The following NEK10 variants were observed in gnomAD, a reference collection of about 807,000 sequenced individuals.
The protein encoded by NEK10 is serine/threonine-protein kinase Nek10.
Under a neutral mutation model 159.8 loss-of-function variants are expected in NEK10, and 122 were observed. The observed-to-expected ratio is 0.76, with a 90% CI of 0.66 to 0.89. The LOEUF is 0.89. Ranked by LOEUF, NEK10 falls within the 40% of genes least tolerant of loss-of-function variation. NEK10 has a pLI of 0.00. For synonymous variants in NEK10, 466 were observed against 457.1 expected, an observed-to-expected ratio of 1.02 and a Z score of -0.25; for missense variants, 1,342 against 1,323.1, an observed-to-expected ratio of 1.01 and a Z score of -0.22.
chr3:27,281,632 C>T (rs540446050), intron 22 of NEK10, among the ~76,000 whole-genome samples: 6 of 152,218 alleles, frequency 3.9e-5, no homozygotes, highest in South Asian at 4.2e-4. Context: ...AAAAACATAA[C>T]GCCCAAAGCA....
At chr3:27,366,630 T>C (rs1184109435) in intron 1 of NEK10, among the ~76,000 whole-genome samples, 1 of 152,162 alleles carries the variant, frequency 6.6e-6, no homozygotes, top group Non-Finnish European at 1.5e-5. Flanking sequence ...AAATACTCAC[T>C]GAATGATTGA....
chr3:27,292,554 C>A (rs945104307), intron 16 of NEK10, among the ~76,000 whole-genome samples: 1 of 152,078 alleles, frequency 6.6e-6, no homozygotes, highest in Non-Finnish European at 1.5e-5. Flanking sequence ...GAATAAGTAG[C>A]TGGGTGTGGT....
intron 23 of NEK10, among the ~76,000 whole-genome samples, chr3:27,224,389 C>T: frequency 6.6e-6 from 1 of 152,228 alleles, no homozygotes; most frequent in East Asian, 1.9e-4. Context: ...GTGCTGGCTG[C>T]ATACTCCCGC....
chr3:27,224,915 A>T (rs977874224), intron 23 of NEK10, among the ~76,000 whole-genome samples: 21 of 152,354 alleles, frequency 1.4e-4, no homozygotes, highest in African/African-American at 4.8e-4. Context: ...ACTTGTTACT[A>T]TTAATTATAA....
intron 16 of NEK10, among the ~76,000 whole-genome samples, chr3:27,292,064 T>C (rs994362604): frequency 3.3e-5 from 5 of 152,176 alleles, no homozygotes; most frequent in Non-Finnish European, 5.9e-5. Context: ...AAAAATACAC[T>C]ATTTACAGTT....
rs1036595106 is a variant in NEK10, at chr3:27,301,932, T to C, written c.1029-97A>G. The C allele has an allele frequency of 1.1e-5, 10 of 890,902 alleles. No homozygotes were observed. In the East Asian group the frequency reaches 2.1e-4, roughly 19 times the overall value. The allele number at this position is 890,902 out of a possible 1,614,324, so 55.2% of individuals were successfully genotyped here. A position where few individuals can be genotyped will look rare whatever the true frequency, so the allele number is the denominator to read the frequency against. Reference sequence around the variant, plus strand: ...TTAAGAAATCTTTGCCTCCCTCAGGTCATGAAGGCATCATTATTGTTTCAC... The same window carrying C: ...TTAAGAAATCTTTGCCTCCCTCAGGCCATGAAGGCATCATTATTGTTTCAC... On this transcript the variant is annotated intron_variant, in intron 12 of 35. Transcript: ENST00000691995.
At chr3:27,309,038 A>G in intron 9 of NEK10, 33 bp from the exon 10 acceptor site, 1 of 1,117,648 alleles carries the variant, frequency 8.9e-7, no homozygotes, top group Non-Finnish European at 1.3e-6. Flanking sequence ...GTTTAATTAT[A>G]TAAGTACTAC....
intron 5 of NEK10, 41 bp downstream of exon 5, chr3:27,344,231 C>T (rs754178855): frequency 2.2e-6 from 2 of 904,426 alleles, no homozygotes. Flanking sequence ...ATGACATATG[C>T]CACTCTTCAG....
chr3:27,304,796 C>T lies in NEK10; in HGVS notation c.979G>A (p.Glu327Lys), dbSNP rs1176031701. 10 of 1,613,776 alleles carry T rather than the reference C, an allele frequency of 6.2e-6. No individual in the cohort carries two copies. The highest frequency in any genetic ancestry group is 1.3e-5 in the African/African-American group (1 of 74,908). Residue 327 changes from glutamate to lysine, a missense_variant, in exon 12 of 36, where the codon GAA becomes AAA. Glu to Lys is a moderately conservative substitution (Grantham distance 56, BLOSUM62 1). Transcript: ENST00000691995. ...QVCEDPETSV[E>K]IRIWGGIKQL... is the part of the protein sequence containing the mutation. ...TTGATGCCTCCCCAAATGCGAATTT[C>T]CACGCTGGTCTCAGGGTCCTCACAA...
At chr3:27,117,148 G>A (rs997035732) in intron 33 of NEK10, among the ~76,000 whole-genome samples, 8 of 152,158 alleles carry the variant, frequency 5.3e-5, no homozygotes, top group African/African-American at 1.7e-4. Flanking sequence ...CCCTGCAAAG[G>A]ACATGATCTC....
chr3:27,276,271 T>C (rs968851824), intron 22 of NEK10, among the ~76,000 whole-genome samples: 1 of 152,046 alleles, frequency 6.6e-6, no homozygotes, highest in African/African-American at 2.4e-5. Flanking sequence ...CAATACTTTG[T>C]GCCATGTGCT....
intron 5 of NEK10, among the ~76,000 whole-genome samples, chr3:27,342,746 C>T (rs561120139): frequency 5.3e-4 from 81 of 152,160 alleles, no homozygotes; most frequent in African/African-American, 1.8e-3. Flanking sequence ...CTAGTGCCTT[C>T]CCCCAAAGTA....
At chr3:27,135,070 T>C (rs1490829552) in intron 31 of NEK10, among the ~76,000 whole-genome samples, 1 of 152,162 alleles carries the variant, frequency 6.6e-6, no homozygotes, top group African/African-American at 2.4e-5. Flanking sequence ...CAGCCATTAT[T>C]CTAGAACAGA....
At chr3:27,212,715 A>G (rs562965717) in intron 23 of NEK10, among the ~76,000 whole-genome samples, 1 of 152,352 alleles carries the variant, frequency 6.6e-6, no homozygotes, top group African/African-American at 2.4e-5. Context: ...AATGAGGAAG[A>G]GGGGTGAAAA....
At chr3:27,225,507 T>C (rs1209435292) in intron 23 of NEK10, among the ~76,000 whole-genome samples, 1 of 152,238 alleles carries the variant, frequency 6.6e-6, no homozygotes, top group Non-Finnish European at 1.5e-5. Context: ...CCATTACCAC[T>C]GTACCTTGTG....
intron 13 of NEK10, among the ~76,000 whole-genome samples, chr3:27,300,814 A>G (rs1366861707): frequency 6.6e-6 from 1 of 152,226 alleles, no homozygotes; most frequent in Non-Finnish European, 1.5e-5. Context: ...AAGACCTTGT[A>G]CTGAGACAGG....
intron 23 of NEK10, among the ~76,000 whole-genome samples, chr3:27,230,839 G>A (rs1460826255): frequency 2.0e-5 from 3 of 151,944 alleles, no homozygotes; most frequent in South Asian, 2.1e-4. Context: ...AAATACATAC[G>A]CACCTAACAC....
rs764074475 is a variant in NEK10 at position 27,352,812 on chromosome 3, C to G, written c.71G>C (p.Arg24Thr). The change falls in exon 2 of 36, where the codon AGG becomes ACG. Residue 24 changes from arginine to threonine, a missense_variant and splice_region_variant. Transcript: ENST00000691995. ...STDKQQEITI[R>T]DYSDLKRLRC... ...TAGCAAACACTCAGTAGGGAGTTAC[C>G]TGATGGTGATTTCTTGCTGTTTATC... 1 of 1,600,334 alleles carries G rather than the reference C, an allele frequency of 6.2e-7. No individual in the cohort carries two copies. Among genetic ancestry groups the G allele is most frequent in the South Asian group, 1.1e-5 (1 of 90,826 alleles).
At chr3:27,138,281 C>T (rs1357788689) in intron 31 of NEK10, among the ~76,000 whole-genome samples, 3 of 152,210 alleles carry the variant, frequency 2.0e-5, no homozygotes, top group Non-Finnish European at 2.9e-5. Flanking sequence ...ACAATACCCT[C>T]AAGTGCTGAT....
Sources: gnomAD v4.1 joint callset for allele counts (sites outside exome capture counted in the v4.1 genomes callset) on GRCh38, gnomAD v4.1.1 for gene constraint, MANE v1.5 for transcripts, NCBI Gene and HGNC (gene_info 2026-07-23, HGNC 2026-07-21) for gene names.